NALF1: variants seen among roughly 807,000 people sequenced by gnomAD.
NALF1 encodes NALCN channel auxiliary factor 1.
In NALF1, 3 loss-of-function variants were observed where a neutral mutation model predicts 48.4. The observed-to-expected ratio is 0.06, with a 90% CI of 0.03 to 0.16. NALF1 has a LOEUF of 0.16. Ranked by LOEUF, NALF1 falls within the 10% of genes least tolerant of loss-of-function variation. The pLI is 1.00. For synonymous variants in NALF1, 262 were observed against 245.7 expected, an observed-to-expected ratio of 1.07 and a Z score of -0.62; for missense variants, 526 against 571.5, an observed-to-expected ratio of 0.92 and a Z score of 0.81.
chr13:107,566,158 C>T (rs1408696929), intron 1 of NALF1, among the ~76,000 whole-genome samples: 1 of 152,110 alleles, frequency 6.6e-6, no homozygotes, highest in Non-Finnish European at 1.5e-5. Flanking sequence ...CATTCATCCA[C>T]AATGATAGGG....
chr13:107,621,140 TCTGA>T (rs1879507406), intron 1 of NALF1, among the ~76,000 whole-genome samples: 1 of 152,298 alleles, frequency 6.6e-6, no homozygotes, highest in African/African-American at 2.4e-5. Flanking sequence ...GTAGTTACAT[TCTGA>T]CTGTTTAAAC....
rs766018483 is a variant in NALF1 at position 107,585,308 on chromosome 13, T to C, written c.915+280374A>G. 5.6e-4 allele frequency among the ~76,000 whole-genome samples: 84 copies of C among 150,914 alleles called. 1 individual carries two copies. Among genetic ancestry groups the C allele is most frequent in the Non-Finnish European group, 1.8e-4 (12 of 67,850 alleles). On this transcript the variant is annotated intron_variant, in intron 1 of 2. Coordinates refer to ENST00000375915, the MANE Select transcript of NALF1 (RefSeq NM_001080396.3). ...CAAACAAACCAAATCAAGGCTAGCATGGCAAATGCGAGTAAAGAAAAAAAA... is the reference window on the plus strand; with the variant it reads ...CAAACAAACCAAATCAAGGCTAGCACGGCAAATGCGAGTAAAGAAAAAAAA...
chr13:107,312,071 G>C, intron 1 of NALF1, among the ~76,000 whole-genome samples: 1 of 152,080 alleles, frequency 6.6e-6, no homozygotes, highest in Non-Finnish European at 1.5e-5. Context: ...CCCATTACTT[G>C]GTATAAATCC....
intron 2 of NALF1, among the ~76,000 whole-genome samples, chr13:107,208,402 C>A (rs553442433): frequency 1.4e-3 from 218 of 152,272 alleles, no homozygotes; most frequent in Non-Finnish European, 2.4e-3. Flanking sequence ...GGATTCTCTG[C>A]CCATGTTGTG....
At chr13:107,540,233 T>C (rs1340484496) in intron 1 of NALF1, among the ~76,000 whole-genome samples, 2 of 152,102 alleles carry the variant, frequency 1.3e-5, no homozygotes, top group African/African-American at 4.8e-5. Context: ...GGATTTTACA[T>C]GGAATGTTTG....
chr13:107,848,106 C>A (rs567343681), intron 1 of NALF1, among the ~76,000 whole-genome samples: 2 of 152,314 alleles, frequency 1.3e-5, no homozygotes, highest in African/African-American at 4.8e-5. Context: ...TTGTTTGCCA[C>A]TTTCAGCTGT....
At chr13:107,630,958 T>A (rs1301227206) in intron 1 of NALF1, among the ~76,000 whole-genome samples, 1 of 152,096 alleles carries the variant, frequency 6.6e-6, no homozygotes, top group Non-Finnish European at 1.5e-5. Flanking sequence ...AATATTCTCT[T>A]ATGTTGGAAA....
chr13:107,707,666 A>G (rs1398687333), intron 1 of NALF1, among the ~76,000 whole-genome samples: 3 of 152,194 alleles, frequency 2.0e-5, no homozygotes, highest in African/African-American at 4.8e-5. Flanking sequence ...TGAGGTGGAG[A>G]TGGTAGTATC....
At chr13:107,406,036 C>T (rs1255346693) in intron 1 of NALF1, among the ~76,000 whole-genome samples, 1 of 152,014 alleles carries the variant, frequency 6.6e-6, no homozygotes, top group African/African-American at 2.4e-5. Context: ...ATCTCTCAGA[C>T]GATCACCACC....
chr13:107,512,662 A>C (rs74112101), intron 1 of NALF1, among the ~76,000 whole-genome samples: 4,759 of 152,216 alleles, frequency 0.031, 257 homozygotes, highest in African/African-American at 0.11. Flanking sequence ...AGTCATATTT[A>C]GTTCCGCAGA....
At chr13:107,508,966 A>C (rs1473246659) in intron 1 of NALF1, among the ~76,000 whole-genome samples, 2 of 152,252 alleles carry the variant, frequency 1.3e-5, no homozygotes, top group African/African-American at 2.4e-5. Flanking sequence ...TTGTGAAAAT[A>C]AGCCCAACAT....
At chr13:107,703,712 G>C (rs1241916095) in intron 1 of NALF1, among the ~76,000 whole-genome samples, 1 of 152,036 alleles carries the variant, frequency 6.6e-6, no homozygotes, top group African/African-American at 2.4e-5. Context: ...AAACGCATCT[G>C]GAAACTTACT....
chr13:107,479,916 TTC>T (rs1458610262), intron 1 of NALF1, among the ~76,000 whole-genome samples: 1 of 152,082 alleles, frequency 6.6e-6, no homozygotes, highest in African/African-American at 2.4e-5. Context: ...TCCATTCAGT[TTC>T]TCTCTCTGCA....
At chr13:107,457,908 C>T (rs1884850469) in intron 1 of NALF1, among the ~76,000 whole-genome samples, 1 of 152,124 alleles carries the variant, frequency 6.6e-6, no homozygotes, top group African/African-American at 2.4e-5. Context: ...CTGTTGCTTC[C>T]ACCTTTTGTA....
chr13:107,812,199 G>A (rs894409931), intron 1 of NALF1, among the ~76,000 whole-genome samples: 4 of 152,032 alleles, frequency 2.6e-5, no homozygotes, highest in Non-Finnish European at 5.9e-5. Flanking sequence ...AAAGTCTACA[G>A]GTAGCATAAA....
intron 1 of NALF1, among the ~76,000 whole-genome samples, chr13:107,223,270 A>G (rs916384297): frequency 6.6e-6 from 1 of 152,080 alleles, no homozygotes; most frequent in Non-Finnish European, 1.5e-5. Context: ...ATATATGTAT[A>G]CATACACACA....
chr13:107,570,174 T>C (rs992016096), intron 1 of NALF1, among the ~76,000 whole-genome samples: 17 of 145,108 alleles, frequency 1.2e-4, no homozygotes, highest in African/African-American at 1.9e-4. Flanking sequence ...TTCCAATGTA[T>C]ATGCTTTTTT....
At chr13:107,511,916 C>T (rs947997828) in intron 1 of NALF1, among the ~76,000 whole-genome samples, 2 of 152,178 alleles carry the variant, frequency 1.3e-5, no homozygotes, top group East Asian at 3.9e-4. Flanking sequence ...AAAGCAGTTA[C>T]CCCAAGCACA....
In NALF1 at chr13:107,340,490, TG is replaced by T. The variant is rs1199951775; in HGVS notation, c.916-129736del. Among the ~76,000 whole-genome samples the T allele has an allele frequency of 9.9e-4, 13 of 13,092 alleles. 1 individual carries two copies. Among genetic ancestry groups the T allele is most frequent in the Non-Finnish European group, 2.0e-3 (5 of 2,548 alleles). 8.6% of individuals were successfully genotyped at this position (13,092 alleles called of 152,430 possible). A position where few individuals can be genotyped will look rare whatever the true frequency, so the allele number is the denominator to read the frequency against. Reference sequence around the variant, plus strand: ...TCTTCTCTCTTTCTTTCTTTCTTTTTGTCTTTCTTTCTTTCTTTTCTTTCTT... The same window carrying T: ...TCTTCTCTCTTTCTTTCTTTCTTTTTTCTTTCTTTCTTTCTTTTCTTTCTT... On this transcript the variant is annotated intron_variant, in intron 1 of 2. Transcript: ENST00000375915.
Sources: gnomAD v4.1 joint callset for allele counts (sites outside exome capture counted in the v4.1 genomes callset) on GRCh38, gnomAD v4.1.1 for gene constraint, MANE v1.5 for transcripts, NCBI Gene and HGNC (gene_info 2026-07-23, HGNC 2026-07-21) for gene names.